DTD1: variants seen among roughly 807,000 people sequenced by gnomAD.
The protein encoded by DTD1 is D-aminoacyl-tRNA deacylase 1, also known as D-tyrosyl-tRNA deacylase 1 homolog.
DTD1 carries 13 observed loss-of-function variants against 25.6 expected under a neutral mutation model. The ratio of observed to expected loss-of-function variants is 0.51; its 90% CI spans 0.33 to 0.81. The LOEUF (loss-of-function observed/expected upper bound fraction) is 0.81. Ranked by LOEUF, DTD1 falls within the 30% of genes least tolerant of loss-of-function variation. The pLI, the probability that DTD1 is intolerant of heterozygous loss-of-function variation, is 0.02. For synonymous variants in DTD1, 110 were observed against 103.6 expected (o/e 1.06, Z -0.37); for missense variants, 193 against 266.4 (o/e 0.72, Z 1.92).
At chr20:18,656,079 T>G (rs917932451) in intron 4 of DTD1, among the ~76,000 whole-genome samples, 6 of 152,184 alleles carry the variant, frequency 3.9e-5, no homozygotes, top group Non-Finnish European at 8.8e-5. Flanking sequence ...CCTCATTTGT[T>G]TTCTTTTTTT....
At chr20:18,673,743 G>T (rs1051990095) in intron 4 of DTD1, among the ~76,000 whole-genome samples, 2 of 152,086 alleles carry the variant, frequency 1.3e-5, no homozygotes, top group Non-Finnish European at 2.9e-5. Flanking sequence ...TGGCTGTGTG[G>T]GCCTAGAGTG....
chr20:18,598,014 A>T (rs970954787), intron 3 of DTD1, among the ~76,000 whole-genome samples: 1 of 152,106 alleles, frequency 6.6e-6, no homozygotes, highest in Non-Finnish European at 1.5e-5. Flanking sequence ...AATTATTAGT[A>T]TACTTTAAGT....
At chr20:18,684,810 T>C (rs2061010428) in intron 4 of DTD1, among the ~76,000 whole-genome samples, 1 of 152,198 alleles carries the variant, frequency 6.6e-6, no homozygotes, top group African/African-American at 2.4e-5. Flanking sequence ...TCCCAAAATC[T>C]CTACATGTTG....
At chr20:18,632,422 T>C (rs2060792269) in intron 4 of DTD1, 1 of 985,326 alleles carries the variant, frequency 1.0e-6, no homozygotes, top group Admixed American at 6.1e-5. Context: ...AAGCGGCCTG[T>C]GTTAGGTTGG....
chr20:18,621,901 A>T (rs1315266777), intron 3 of DTD1, among the ~76,000 whole-genome samples: 1 of 152,052 alleles, frequency 6.6e-6, no homozygotes, highest in Non-Finnish European at 1.5e-5. Context: ...TGTCTCTACT[A>T]AAAATACAAA....
At chr20:18,614,446 C>T (rs1047479223) in intron 3 of DTD1, among the ~76,000 whole-genome samples, 1 of 152,166 alleles carries the variant, frequency 6.6e-6, no homozygotes, top group Non-Finnish European at 1.5e-5. Flanking sequence ...GGAGAAATGA[C>T]AGAGTTCACG....
chr20:18,615,176 A>G (rs890790501), intron 3 of DTD1, among the ~76,000 whole-genome samples: 1 of 151,930 alleles, frequency 6.6e-6, no homozygotes, highest in South Asian at 2.1e-4. Flanking sequence ...GCCTACCCCG[A>G]TTCAAGGGGA....
intron 4 of DTD1, among the ~76,000 whole-genome samples, chr20:18,638,704 A>G (rs1181464347): frequency 6.6e-6 from 1 of 152,212 alleles, no homozygotes. Context: ...TTTTATTGTT[A>G]GTAAGCCAAA....
intron 4 of DTD1, among the ~76,000 whole-genome samples, chr20:18,633,660 G>A (rs767322596): frequency 2.6e-5 from 4 of 152,200 alleles, no homozygotes; most frequent in Non-Finnish European, 5.9e-5. Flanking sequence ...CCTCCCAGGG[G>A]ACCGGAGGTT....
intron 4 of DTD1, among the ~76,000 whole-genome samples, chr20:18,654,398 T>G (rs1212865667): frequency 6.6e-6 from 1 of 152,236 alleles, no homozygotes; most frequent in Non-Finnish European, 1.5e-5. Context: ...TTAAACCTCT[T>G]TTTTAAAAAG....
intron 4 of DTD1, among the ~76,000 whole-genome samples, chr20:18,632,997 C>A (rs574579479): frequency 1.3e-5 from 2 of 152,038 alleles, no homozygotes; most frequent in Non-Finnish European, 2.9e-5. Flanking sequence ...CCTGTGCAGC[C>A]GGGGATAGAT....
At chr20:18,616,641 GAAAA>G (rs1180202539) in intron 3 of DTD1, among the ~76,000 whole-genome samples, 1 of 151,170 alleles carries the variant, frequency 6.6e-6, no homozygotes, top group Non-Finnish European at 1.5e-5. Flanking sequence ...AAGAAAAAAA[GAAAA>G]AAAAAGAAAA....
intron 3 of DTD1, among the ~76,000 whole-genome samples, chr20:18,600,560 T>C (rs2060629708): frequency 6.6e-6 from 1 of 152,212 alleles, no homozygotes; most frequent in Non-Finnish European, 1.5e-5. Flanking sequence ...TGTTCTTCTC[T>C]TTTAATATTT....
intron 4 of DTD1, among the ~76,000 whole-genome samples, chr20:18,689,423 GA>G (rs2061032948): frequency 1.3e-5 from 2 of 152,168 alleles, no homozygotes; most frequent in South Asian, 4.1e-4. Flanking sequence ...GTTAGGGACA[GA>G]AAAAGGGAAT....
chr20:18,610,133 A>G (rs1305251655), intron 3 of DTD1, among the ~76,000 whole-genome samples: 2 of 152,252 alleles, frequency 1.3e-5, no homozygotes, highest in Non-Finnish European at 2.9e-5. Context: ...AAGTGAAGGC[A>G]TTTTAAATGG....
chr20:18,676,179 A>T (rs914142275), intron 4 of DTD1, among the ~76,000 whole-genome samples: 1 of 152,102 alleles, frequency 6.6e-6, no homozygotes, highest in Admixed American at 6.6e-5. Flanking sequence ...CAGACCTGTA[A>T]TGCTGGGGTA....
chr20:18,752,401 G>A (rs1402240792), intron 5 of DTD1, among the ~76,000 whole-genome samples: 2 of 151,662 alleles, frequency 1.3e-5, no homozygotes, highest in Non-Finnish European at 2.9e-5. Context: ...TTTGTTTTTG[G>A]TTGGGAAAGT....
rs151273800 is a variant in DTD1, at chr20:18,596,094, C to A, written c.223C>A (p.Leu75Met). The A allele has an allele frequency of 2.4e-5, 38 of 1,614,166 alleles. No individual in the cohort carries two copies. The African/African-American group carries it at 3.9e-4, about 16-fold the overall frequency. Residue 75 changes from leucine (L) to methionine (M), a missense_variant, in exon 3 of 6, where the codon CTG (leucine) becomes ATG (methionine). By Grantham distance (15) the Leu-to-Met change is conservative. Transcript: ENST00000377452. ...KSVMDKQYEI[L>M]CVSQFTLQCV... ...TGTGATGGACAAACAGTACGAGATT[C>A]TGTGTGTCAGCCAGTTTACCCTCCA...
At chr20:18,612,751 C>T (rs1279432431) in intron 3 of DTD1, among the ~76,000 whole-genome samples, 1 of 152,034 alleles carries the variant, frequency 6.6e-6, no homozygotes, top group African/African-American at 2.4e-5. Context: ...CTCCTCCTCC[C>T]AGGTTCAAGC....
Sources: gnomAD v4.1 joint callset for allele counts (sites outside exome capture counted in the v4.1 genomes callset) on GRCh38, gnomAD v4.1.1 for gene constraint, MANE v1.5 for transcripts, NCBI Gene and HGNC (gene_info 2026-07-23, HGNC 2026-07-21) for gene names.